Variants in CDH1 observed in about 807,000 individuals in gnomAD.
CDH1 encodes the protein cadherin 1.
A neutral mutation model predicts 84.5 loss-of-function variants in CDH1; 35 were observed. The ratio of observed to expected loss-of-function variants is 0.41; its 90% CI spans 0.32 to 0.55. CDH1 has a LOEUF of 0.55. Ranked by LOEUF, CDH1 falls within the 20% of genes least tolerant of loss-of-function variation. The probability of loss-of-function intolerance (pLI) is 0.19; values close to 1 mark genes in which losing one functional copy is unlikely to be tolerated. For synonymous variants in CDH1, 417 were observed against 439.0 expected (o/e 0.95, Z 0.63); for missense variants, 994 against 1,126.6 (o/e 0.88, Z 1.68).
intron 2 of CDH1, among the ~76,000 whole-genome samples, chr16:68,748,385 C>T (rs1364912549): frequency 6.6e-6 from 1 of 152,122 alleles, no homozygotes; most frequent in Non-Finnish European, 1.5e-5. Context: ...GGATTAGAGG[C>T]GTGAGCCACC....
chr16:68,774,954 T>A (rs1959687209), intron 2 of CDH1, among the ~76,000 whole-genome samples: 1 of 151,954 alleles, frequency 6.6e-6, no homozygotes, highest in Non-Finnish European at 1.5e-5. Flanking sequence ...CTTAAATACA[T>A]AAAAGTTGAG....
chr16:68,765,822 T>C (rs1959363553), intron 2 of CDH1, among the ~76,000 whole-genome samples: 1 of 152,198 alleles, frequency 6.6e-6, no homozygotes, highest in Admixed American at 6.5e-5. Context: ...TTCTATCTTG[T>C]GCCTGGTTTT....
intron 2 of CDH1, among the ~76,000 whole-genome samples, chr16:68,750,766 G>A (rs1446435706): frequency 6.7e-6 from 1 of 149,794 alleles, no homozygotes; most frequent in Non-Finnish European, 1.5e-5. Context: ...GTACAGTGAA[G>A]CCATCTTGGC....
rs1264029947 is a variant in CDH1 at position 68,743,340 on chromosome 16, T to C, written c.163+4929T>C. On this transcript the variant is annotated intron_variant, in intron 2 of 15. Coordinates refer to ENST00000261769, the MANE Select transcript of CDH1 (RefSeq NM_004360.5). ...CTTTCTTTCTTTCTTTCTTTCTTTC[T>C]TTCTTTCTTTCTTTCTTTCTTTCTT... 8.0e-4 allele frequency among the ~76,000 whole-genome samples: 31 copies of C among 38,760 alleles called. 1 individual carries two copies. The highest frequency in any genetic ancestry group is 3.1e-3 in the South Asian group (4 of 1,270). 25.4% of individuals were successfully genotyped at this position (38,760 alleles called of 152,430 possible). A position where few individuals can be genotyped will look rare whatever the true frequency, so the allele number is the denominator to read the frequency against.
intron 3 of CDH1, among the ~76,000 whole-genome samples, chr16:68,804,818 CAA>C (rs1234652098): frequency 2.4e-5 from 3 of 126,222 alleles, no homozygotes; most frequent in African/African-American, 9.8e-5. Flanking sequence ...ATCCAGGTAA[CAA>C]AATCTTTTTT....
intron 2 of CDH1, among the ~76,000 whole-genome samples, chr16:68,780,733 G>A (rs1185620369): frequency 6.6e-6 from 1 of 152,216 alleles, no homozygotes; most frequent in African/African-American, 2.4e-5. Context: ...AAGCTGGCTA[G>A]TACTGCACCT....
chr16:68,803,832 G>T (rs1309117628), intron 3 of CDH1, among the ~76,000 whole-genome samples: 2 of 151,930 alleles, frequency 1.3e-5, no homozygotes, highest in Non-Finnish European at 2.9e-5. Context: ...GGTTTATGTC[G>T]TGGTTTATTC....
intron 15 of CDH1, among the ~76,000 whole-genome samples, chr16:68,831,074 T>C (rs1424669577): frequency 3.2e-5 from 4 of 125,142 alleles, no homozygotes; most frequent in Non-Finnish European, 6.8e-5. Context: ...GCTTTCTTTT[T>C]TTTTTTTTTT....
intron 2 of CDH1, among the ~76,000 whole-genome samples, chr16:68,771,491 C>T (rs1049157072): frequency 7.9e-5 from 12 of 151,600 alleles, no homozygotes; most frequent in East Asian, 3.9e-4. Flanking sequence ...CGGTGGCTCA[C>T]GCCTGTAATC....
At chr16:68,823,218 G>C in intron 12 of CDH1, 181 bp from the exon 13 acceptor site, 1 of 592,422 alleles carries the variant, frequency 1.7e-6, no homozygotes. Flanking sequence ...AGACCAAATG[G>C]AAATAAAGCT....
At chr16:68,766,416 G>A (rs1025115123) in intron 2 of CDH1, among the ~76,000 whole-genome samples, 2 of 152,162 alleles carry the variant, frequency 1.3e-5, no homozygotes, top group Non-Finnish European at 2.9e-5. Flanking sequence ...ACTGGCCCAG[G>A]CTCTCCCAAA....
intron 2 of CDH1, among the ~76,000 whole-genome samples, chr16:68,752,924 GC>G (rs919721949): frequency 2.6e-5 from 4 of 152,250 alleles, no homozygotes; most frequent in Middle Eastern, 3.4e-3. Context: ...CCCAACACCT[GC>G]CCCCTGGGTA....
rs1961556140 is a variant in CDH1, at chr16:68,833,658, T to C, written c.*159T>C. On this transcript the variant is annotated 3_prime_UTR_variant, in exon 16 of 16. Coordinates refer to ENST00000261769, the MANE Select transcript of CDH1 (RefSeq NM_004360.5). Reference sequence around the variant, plus strand: ...GTATAGCTTTATACTCTCTCCACTTTATAGCTCTAATAAGTTTGTGTTAGA... The same window carrying C: ...GTATAGCTTTATACTCTCTCCACTTCATAGCTCTAATAAGTTTGTGTTAGA... 4.6e-6 allele frequency: 3 copies of C among 654,180 alleles called. No individual in the cohort carries two copies. Among genetic ancestry groups the C allele is most frequent in the Non-Finnish European group, 8.1e-6 (3 of 369,274 alleles). 40.5% of individuals were successfully genotyped at this position (654,180 alleles called of 1,614,324 possible).
In CDH1 at chr16:68,822,346, G is replaced by C. The variant is rs985260286; in HGVS notation, c.1936+121G>C. On this transcript the variant is annotated intron_variant, in intron 12 of 15. Coordinates refer to ENST00000261769, the MANE Select transcript of CDH1 (RefSeq NM_004360.5). The stretch of plus-strand genomic sequence containing the variant: ...GATGTCACCCCTTCCATTGATACTT[G>C]CTTCCTTGTCCCTTCTGTCTTTGAG... 4.1e-5 allele frequency: 31 copies of C among 747,574 alleles called. No homozygotes were observed. The East Asian group carries it at 6.4e-4, about 15-fold the overall frequency. 46.3% of individuals were successfully genotyped at this position (747,574 alleles called of 1,614,324 possible). A position where few individuals can be genotyped will look rare whatever the true frequency, so the allele number is the denominator to read the frequency against.
At chr16:68,818,794 G>A (rs1439280098) in intron 10 of CDH1, among the ~76,000 whole-genome samples, 1 of 142,880 alleles carries the variant, frequency 7.0e-6, no homozygotes, top group African/African-American at 2.6e-5. Context: ...AGCTTGCAGC[G>A]AGCCGACATC....
At chr16:68,820,713 A>C (rs534890089) in intron 11 of CDH1, among the ~76,000 whole-genome samples, 1 of 152,228 alleles carries the variant, frequency 6.6e-6, no homozygotes, top group East Asian at 1.9e-4. Context: ...CATGTGGGTG[A>C]AATTAGTTAG....
At chr16:68,743,287 CTT>C (rs1962615907) in intron 2 of CDH1, among the ~76,000 whole-genome samples, 1 of 3,832 alleles carries the variant, frequency 2.6e-4, no homozygotes, top group Non-Finnish European at 5.4e-4. Flanking sequence ...GGGTCTCTTT[CTT>C]TCTTTCTTTC....
rs373370213 is a variant in CDH1, at chr16:68,811,348, A to G, written c.833-336A>G. ...GGAGACAGAGATTGTGGTGAGCCGA[A>G]TCACGCCATTGCATTCCAGCCTGGG... On this transcript the variant is annotated intron_variant, in intron 6 of 15. Coordinates refer to ENST00000261769, the MANE Select transcript of CDH1 (RefSeq NM_004360.5). 2.2e-4 allele frequency among the ~76,000 whole-genome samples: 33 copies of G among 150,606 alleles called. No homozygotes were observed. The East Asian group carries it at 6.1e-3, about 28-fold the overall frequency.
intron 2 of CDH1, among the ~76,000 whole-genome samples, chr16:68,778,708 G>C (rs993855782): frequency 1.3e-5 from 2 of 152,088 alleles, no homozygotes; most frequent in African/African-American, 4.8e-5. Context: ...GGCTTAAAAG[G>C]GTGTTTAAAA....
Sources: gnomAD v4.1 joint callset for allele counts (sites outside exome capture counted in the v4.1 genomes callset) on GRCh38, gnomAD v4.1.1 for gene constraint, MANE v1.5 for transcripts, NCBI Gene and HGNC (gene_info 2026-07-23, HGNC 2026-07-21) for gene names.